Variants in ATF7IP2 observed in about 807,000 individuals in gnomAD.
ATF7IP2 encodes activating transcription factor 7-interacting protein 2.
In ATF7IP2, 42 loss-of-function variants were observed where a neutral mutation model predicts 64.2. That is an observed-to-expected ratio of 0.65 (90% CI 0.51 to 0.85). The LOEUF is 0.85. Ranked by LOEUF, ATF7IP2 falls within the 40% of genes least tolerant of loss-of-function variation. The probability of loss-of-function intolerance (pLI) is 0.00; values close to 1 mark genes in which losing one functional copy is unlikely to be tolerated. For missense variants in ATF7IP2, 933 were observed against 784.2 expected, an observed-to-expected ratio of 1.19 and a Z score of -2.27; for synonymous variants, 308 against 272.8, an observed-to-expected ratio of 1.13 and a Z score of -1.27.
At chr16:10,452,995 G>A (rs549637381) in intron 8 of ATF7IP2, among the ~76,000 whole-genome samples, 8 of 152,274 alleles carry the variant, frequency 5.3e-5, no homozygotes, top group African/African-American at 1.9e-4. Flanking sequence ...AGAATTTCAA[G>A]CCAGTGGATC....
At chr16:10,435,088 A>G (rs189590434) in intron 6 of ATF7IP2, among the ~76,000 whole-genome samples, 11 of 152,286 alleles carry the variant, frequency 7.2e-5, no homozygotes, top group African/African-American at 2.6e-4. Context: ...TCTGATGTGT[A>G]CATAACCATC....
At chr16:10,408,013 G>C (rs1450544066) in intron 1 of ATF7IP2, among the ~76,000 whole-genome samples, 1 of 151,880 alleles carries the variant, frequency 6.6e-6, no homozygotes, top group Non-Finnish European at 1.5e-5. Context: ...CTGGGTTCAA[G>C]CGATTCTCCA....
intron 7 of ATF7IP2, 126 bp downstream of exon 7, chr16:10,438,361 CAG>C: frequency 1.1e-6 from 1 of 928,502 alleles, no homozygotes; most frequent in Non-Finnish European, 1.5e-6. Context: ...CCTACCACCT[CAG>C]TCTCCAGAGT....
chr16:10,457,124 A>G (rs575860234), intron 8 of ATF7IP2, among the ~76,000 whole-genome samples: 2 of 152,288 alleles, frequency 1.3e-5, no homozygotes, highest in South Asian at 2.1e-4. Context: ...GTACCTGAAC[A>G]TTTGTTTTTC....
At chr16:10,460,950 G>A (rs187601222) in intron 9 of ATF7IP2, among the ~76,000 whole-genome samples, 2 of 152,132 alleles carry the variant, frequency 1.3e-5, no homozygotes, top group Non-Finnish European at 1.5e-5. Flanking sequence ...ACCTGTAGAG[G>A]ACTAGTAACG....
At chr16:10,432,015 T>A (rs1030339255) in intron 5 of ATF7IP2, among the ~76,000 whole-genome samples, 4 of 149,950 alleles carry the variant, frequency 2.7e-5, no homozygotes, top group Non-Finnish European at 5.9e-5. Context: ...TTTTTTGTAT[T>A]TTTAGTAGAA....
chr16:10,394,045 A>C (rs1176603333), intron 1 of ATF7IP2, among the ~76,000 whole-genome samples: 1 of 152,196 alleles, frequency 6.6e-6, no homozygotes, highest in African/African-American at 2.4e-5. Context: ...AACAAAAACA[A>C]CCAAGTAATG....
chr16:10,425,847 C>T (rs1484749911), intron 3 of ATF7IP2, among the ~76,000 whole-genome samples: 1 of 151,620 alleles, frequency 6.6e-6, no homozygotes, highest in African/African-American at 2.4e-5. Flanking sequence ...GAGCTGAGAT[C>T]ATGCCATTGC....
rs187666986 is a variant in ATF7IP2, at chr16:10,415,677, A to G, written c.-203+1065A>G. ...TCTACAAAGTAAAGAGACAAGGCAC[A>G]GAATGGGAGAAAATATTTGTAAACT... On this transcript the variant is annotated intron_variant, in intron 2 of 13. Transcript: ENST00000562102. 2.3e-3 allele frequency among the ~76,000 whole-genome samples: 358 copies of G among 152,388 alleles called. 1 individual carries two copies. The highest frequency in any genetic ancestry group is 8.2e-3 in the African/African-American group (340 of 41,596).
chr16:10,464,260 TA>T (rs776824428), intron 9 of ATF7IP2, among the ~76,000 whole-genome samples: 25 of 152,322 alleles, frequency 1.6e-4, no homozygotes, highest in African/African-American at 2.4e-4. Context: ...TTTAAATGTT[TA>T]AAAACATTTA....
rs936678433 is a variant in ATF7IP2 at position 10,483,308 on chromosome 16, C to G, written c.*1059C>G. 5 of 152,150 alleles carry G rather than the reference C, an allele frequency of 3.3e-5. No individual in the cohort carries two copies. Among genetic ancestry groups the G allele is most frequent in the African/African-American group, 1.2e-4 (5 of 41,416 alleles). 9.4% of individuals were successfully genotyped at this position (152,150 alleles called of 1,614,324 possible). On this transcript the variant is annotated 3_prime_UTR_variant, in exon 14 of 14. Coordinates refer to ENST00000562102, the MANE Select transcript of ATF7IP2 (RefSeq NM_001393719.1). ...TAGTTTGCTGATTTCCTAAATGCTA[C>G]CCTTTGATCATTTCCTGGCCACCAT...
chr16:10,394,021 C>A (rs1330274097), intron 1 of ATF7IP2, among the ~76,000 whole-genome samples: 1 of 152,080 alleles, frequency 6.6e-6, no homozygotes, highest in African/African-American at 2.4e-5. Flanking sequence ...GATAGAGAGA[C>A]CTATCTCTAA....
chr16:10,391,830 A>G (rs1255030359), intron 1 of ATF7IP2, among the ~76,000 whole-genome samples: 1 of 151,194 alleles, frequency 6.6e-6, no homozygotes, highest in Non-Finnish European at 1.5e-5. Context: ...CGGGAGGTGG[A>G]GGTTGCAGTG....
chr16:10,435,073 T>A (rs1334784866), intron 6 of ATF7IP2, among the ~76,000 whole-genome samples: 1 of 152,178 alleles, frequency 6.6e-6, no homozygotes, highest in Non-Finnish European at 1.5e-5. Context: ...CAGCCAGAAG[T>A]AACTTCTGAT....
chr16:10,421,662 G>T (rs2047991034), intron 3 of ATF7IP2, among the ~76,000 whole-genome samples: 1 of 152,198 alleles, frequency 6.6e-6, no homozygotes, highest in Non-Finnish European at 1.5e-5. Context: ...ATCAAAATTT[G>T]CAAGTGATCA....
chr16:10,395,475 C>T (rs1417410187), intron 1 of ATF7IP2, among the ~76,000 whole-genome samples: 1 of 151,602 alleles, frequency 6.6e-6, no homozygotes, highest in Non-Finnish European at 1.5e-5. Context: ...AAAAGCAGAC[C>T]CCAATACTAT....
chr16:10,420,526 G>A (rs1399617547), intron 3 of ATF7IP2, among the ~76,000 whole-genome samples: 3 of 152,180 alleles, frequency 2.0e-5, no homozygotes, highest in Non-Finnish European at 4.4e-5. Context: ...CATTAACATG[G>A]GTTAAATTGT....
In ATF7IP2 at chr16:10,415,960, G is replaced by A. The variant is rs561889973; in HGVS notation, c.-203+1348G>A. Among the ~76,000 whole-genome samples, 4 of 152,326 alleles carry A rather than the reference G, an allele frequency of 2.6e-5. No homozygotes were observed. In the South Asian group the frequency reaches 6.2e-4, roughly 24 times the overall value. Reference sequence around the variant, plus strand: ...AAAAGACAGGTAATATGAAATGCAGGTGAGGATGTGTAGAAAGGGAATCCT... The same window carrying A: ...AAAAGACAGGTAATATGAAATGCAGATGAGGATGTGTAGAAAGGGAATCCT... On this transcript the variant is annotated intron_variant, in intron 2 of 13. Coordinates refer to ENST00000562102, the MANE Select transcript of ATF7IP2 (RefSeq NM_001393719.1).
At chr16:10,453,833 T>C (rs1596557640) in intron 8 of ATF7IP2, among the ~76,000 whole-genome samples, 1 of 152,008 alleles carries the variant, frequency 6.6e-6, no homozygotes, top group Non-Finnish European at 1.5e-5. Flanking sequence ...GTCAGGCTGG[T>C]CTTGAACTCC....
Sources: allele counts gnomAD v4.1 joint callset (sites outside exome capture counted in the v4.1 genomes callset), GRCh38; gene constraint gnomAD v4.1.1; transcripts MANE v1.5; gene names NCBI Gene and HGNC (gene_info 2026-07-23, HGNC 2026-07-21).